Variants in RFX7 observed in about 807,000 individuals in gnomAD.
The protein encoded by RFX7 is regulatory factor X7, also known as DNA-binding protein RFX7.
Under a neutral mutation model 111.8 loss-of-function variants are expected in RFX7, and 26 were observed. The observed-to-expected ratio is 0.23, with a 90% confidence interval of 0.17 to 0.32. The LOEUF (loss-of-function observed/expected upper bound fraction) is 0.32, where lower values mean the gene tolerates loss of function less well. RFX7 is among the 10% of genes least tolerant of loss of function. RFX7 has a pLI of 1.00. For missense variants in RFX7, 1,573 were observed against 1,772.9 expected, an observed-to-expected ratio of 0.89 and a Z score of 2.02; for synonymous variants, 624 against 624.4, an observed-to-expected ratio of 1.00 and a Z score of 0.01.
At position 56,095,351 on chromosome 15, in the gene RFX7, A is replaced by T; in HGVS notation, c.2377T>A (p.Ser793Thr). Residue 793 changes from serine (S) to threonine (T), a missense_variant, in exon 10 of 10, where the codon TCT (serine) becomes ACT (threonine). Around this residue, in one of 7 missense-constraint regions of RFX7, gnomAD observed 625 missense variants for 632.2 expected, o/e 0.99. Coordinates refer to ENST00000559447, the MANE Select transcript of RFX7 (RefSeq NM_022841.7). ...TCTTGCTGTTGTTCACAACTGGCAG[A>T]TATAAACTCAGAATCTTTAGTGATT... is the stretch of plus-strand genomic sequence containing the variant. ...QQITKDSEFI[S>T]ASCEQQQDIS... The T allele has an allele frequency of 1.9e-6, 3 of 1,613,902 alleles. No individual in the cohort carries two copies. Among genetic ancestry groups the T allele is most frequent in the Non-Finnish European group, 2.5e-6 (3 of 1,179,868 alleles).
intron 5 of RFX7, among the ~76,000 whole-genome samples, chr15:56,119,234 G>A (rs1318024286): frequency 6.6e-6 from 1 of 152,160 alleles, no homozygotes; most frequent in African/African-American, 2.4e-5. Flanking sequence ...GCCTGTGCTT[G>A]TAGGGTATTG....
rs181105958 is a variant in RFX7, at chr15:56,218,695, C to T, written c.161+24430G>A. On this transcript the variant is annotated intron_variant, in intron 2 of 9. Coordinates refer to ENST00000559447, the MANE Select transcript of RFX7 (RefSeq NM_022841.7). The stretch of plus-strand genomic sequence containing the variant: ...GAGCAACAAAGAAGGCGATAATCAC[C>T]TCCATCCAAACCAAGCAAAAAAACT... Among the ~76,000 whole-genome samples, 3 of 152,246 alleles carry T rather than the reference C, an allele frequency of 2.0e-5. No individual in the cohort carries two copies. The East Asian group carries it at 5.8e-4, about 29-fold the overall frequency.
chr15:56,132,235 A>T (rs545451601), intron 5 of RFX7, among the ~76,000 whole-genome samples: 2 of 152,192 alleles, frequency 1.3e-5, no homozygotes, highest in African/African-American at 4.8e-5. Context: ...GCAACTTCCT[A>T]TAAAAAAAAT....
intron 2 of RFX7, among the ~76,000 whole-genome samples, chr15:56,237,771 A>G (rs2043641160): frequency 6.6e-6 from 1 of 152,210 alleles, no homozygotes; most frequent in Admixed American, 6.5e-5. Context: ...TTAACTTGCA[A>G]TTAACTTTTG....
intron 5 of RFX7, among the ~76,000 whole-genome samples, chr15:56,121,585 C>T (rs1216490630): frequency 2.6e-5 from 4 of 152,120 alleles, no homozygotes; most frequent in African/African-American, 9.7e-5. Context: ...TTTGGAAGTT[C>T]TCTGTTATTC....
intron 3 of RFX7, among the ~76,000 whole-genome samples, chr15:56,172,114 AAC>A (rs1397187517): frequency 6.6e-6 from 1 of 152,184 alleles, no homozygotes; most frequent in Non-Finnish European, 1.5e-5. Context: ...GGAAATGGTC[AAC>A]AGAGTGAACT....
At chr15:56,182,911 A>T (rs186520743) in intron 2 of RFX7, among the ~76,000 whole-genome samples, 1 of 152,194 alleles carries the variant, frequency 6.6e-6, no homozygotes, top group Non-Finnish European at 1.5e-5. Context: ...TTATATTAAC[A>T]AATTTCTCTC....
At chr15:56,218,058 C>T (rs2043381289) in intron 2 of RFX7, among the ~76,000 whole-genome samples, 1 of 149,900 alleles carries the variant, frequency 6.7e-6, no homozygotes, top group South Asian at 2.1e-4. Flanking sequence ...TTTTTTGGGT[C>T]ATCATTCCCT....
In RFX7 at chr15:56,203,772, G is replaced by A. The variant is rs572058093; in HGVS notation, c.162-24469C>T. ...GCAATGTCAGGAAGTTACCCTATAT[G>A]GTCTAAAAAGGGAAGCATGAATAAT... is the stretch of plus-strand genomic sequence containing the variant. On this transcript the variant is annotated intron_variant, in intron 2 of 9. Transcript: ENST00000559447. Among the ~76,000 whole-genome samples the A allele has an allele frequency of 2.6e-5, 4 of 152,150 alleles. No homozygotes were observed. The South Asian group carries it at 6.2e-4, about 24-fold the overall frequency.
Position 56,093,397 on chromosome 15 carries a change from C to T in RFX7, c.4331G>A (p.Gly1444Asp). The T allele has an allele frequency of 6.2e-7, 1 of 1,613,436 alleles. No individual in the cohort carries two copies. The highest frequency in any genetic ancestry group is 2.2e-5 in the East Asian group (1 of 44,870). Residue 1444 changes from glycine to aspartate, a missense_variant, in exon 10 of 10, where the codon GGT becomes GAT. Around this residue, in one of 7 missense-constraint regions of RFX7, gnomAD observed 411 missense variants for 478.1 expected, o/e 0.86. Coordinates refer to ENST00000559447, the MANE Select transcript of RFX7 (RefSeq NM_022841.7). ...GTCCTTGCTTTCTATCCATTCAAAA[C>T]CTGATGAAGTCATAGAATTCATGGA... is the stretch of plus-strand genomic sequence containing the variant. Reference protein sequence around the residue: ...SESMNSMTSSGFEWIESKDHP... With the variant: ...SESMNSMTSSDFEWIESKDHP...
At chr15:56,125,310 G>A (rs2042128418) in intron 5 of RFX7, among the ~76,000 whole-genome samples, 1 of 151,966 alleles carries the variant, frequency 6.6e-6, no homozygotes, top group Non-Finnish European at 1.5e-5. Flanking sequence ...TGTTCTTTGT[G>A]GTTAGCATTT....
At chr15:56,138,490 A>AT (rs1163280235) in intron 5 of RFX7, among the ~76,000 whole-genome samples, 1 of 148,528 alleles carries the variant, frequency 6.7e-6, no homozygotes, top group Non-Finnish European at 1.5e-5. Context: ...CCATCCTTTT[A>AT]TTTTGAGCCT....
At chr15:56,170,054 C>A (rs1261153235) in intron 3 of RFX7, among the ~76,000 whole-genome samples, 2 of 152,104 alleles carry the variant, frequency 1.3e-5, no homozygotes, top group African/African-American at 4.8e-5. Context: ...GGTGGCAACA[C>A]TTCTATTTTA....
intron 2 of RFX7, among the ~76,000 whole-genome samples, chr15:56,190,768 T>A (rs1474393942): frequency 6.6e-6 from 1 of 151,968 alleles, no homozygotes; most frequent in Admixed American, 6.6e-5. Context: ...TTAAACATAC[T>A]CAGATGGACA....
intron 5 of RFX7, among the ~76,000 whole-genome samples, chr15:56,136,733 G>A (rs1350021037): frequency 1.4e-5 from 2 of 146,004 alleles, no homozygotes; most frequent in Non-Finnish European, 3.0e-5. Flanking sequence ...TGCCCATTCA[G>A]TATGATATTG....
chr15:56,244,748 G>T (rs1161268429), upstream of RFX7, among the ~76,000 whole-genome samples: 1 of 151,992 alleles, frequency 6.6e-6, no homozygotes, highest in Non-Finnish European at 1.5e-5. Context: ...TGGAGGCTCA[G>T]GCGTCAGCCA....
chr15:56,240,115 T>C (rs1397093409), intron 2 of RFX7, among the ~76,000 whole-genome samples: 1 of 151,872 alleles, frequency 6.6e-6, no homozygotes, highest in African/African-American at 2.4e-5. Context: ...TCTTTTTTTT[T>C]TTTTAACAAC....
At position 56,178,124 on chromosome 15, in the gene RFX7, G is replaced by A. The variant is rs186447641; in HGVS notation, c.195+1146C>T. Among the ~76,000 whole-genome samples, 364 of 136,514 alleles carry A rather than the reference G, an allele frequency of 2.7e-3. 4 individuals carry two copies. The highest frequency in any genetic ancestry group is 9.2e-3 in the African/African-American group (334 of 36,372). The allele number at this position is 136,514 out of a possible 152,430, so 89.6% of individuals were successfully genotyped here. A position where few individuals can be genotyped will look rare whatever the true frequency, so the allele number is the denominator to read the frequency against. On this transcript the variant is annotated intron_variant, in intron 3 of 9. Coordinates refer to ENST00000559447, the MANE Select transcript of RFX7 (RefSeq NM_022841.7). Reference sequence around the variant, plus strand: ...GGTAACAAGATTACCTACTTCAGAGGATTATTATAAGACAAAAAAAAAAAC... The same window carrying A: ...GGTAACAAGATTACCTACTTCAGAGAATTATTATAAGACAAAAAAAAAAAC...
chr15:56,104,639 T>G (rs1370226105), intron 5 of RFX7, among the ~76,000 whole-genome samples: 1 of 152,172 alleles, frequency 6.6e-6, no homozygotes, highest in Non-Finnish European at 1.5e-5. Context: ...ATAACATCCC[T>G]AAAGTGACCT....
Sources: gnomAD v4.1 joint callset for allele counts (sites outside exome capture counted in the v4.1 genomes callset) on GRCh38, gnomAD v4.1.1 for gene constraint, gnomAD v4.1.1 regional missense constraint, MANE v1.5 for transcripts, NCBI Gene and HGNC (gene_info 2026-07-23, HGNC 2026-07-21) for gene names.